The following CABIN1 variants were observed in gnomAD, a reference collection of about 807,000 sequenced individuals.
CABIN1 encodes the protein calcineurin binding protein 1.
Under a neutral mutation model 227.7 loss-of-function variants are expected in CABIN1, and 133 were observed. The observed-to-expected ratio is 0.58, with a 90% CI of 0.51 to 0.67. The LOEUF (loss-of-function observed/expected upper bound fraction) is 0.67. CABIN1 is among the 30% of genes least tolerant of loss of function. The pLI, the probability that CABIN1 is intolerant of heterozygous loss-of-function variation, is 0.00. For missense variants in CABIN1, 2,408 were observed against 2,852.5 expected (o/e 0.84, Z 3.55); for synonymous variants, 1,086 against 1,155.1 (o/e 0.94, Z 1.21).
chr22:24,086,057 A>T (rs956961470), intron 22 of CABIN1, among the ~76,000 whole-genome samples: 1 of 152,206 alleles, frequency 6.6e-6, no homozygotes, highest in Non-Finnish European at 1.5e-5. Flanking sequence ...GCCAGTTTGC[A>T]AGACTTGTGT....
chr22:24,046,497 A>G (rs532511269), intron 6 of CABIN1, among the ~76,000 whole-genome samples: 1 of 152,216 alleles, frequency 6.6e-6, no homozygotes, highest in East Asian at 1.9e-4. Context: ...GTTTGGGACC[A>G]TCTTTGGGGT....
chr22:24,161,464 C>T (rs952004226), intron 29 of CABIN1, among the ~76,000 whole-genome samples: 2 of 152,166 alleles, frequency 1.3e-5, no homozygotes. Flanking sequence ...GCCAGAGCAG[C>T]GGGACCCAGG....
chr22:24,100,828 CT>C (rs1342415289), intron 26 of CABIN1, among the ~76,000 whole-genome samples: 18 of 152,348 alleles, frequency 1.2e-4, no homozygotes, highest in African/African-American at 3.6e-4. Flanking sequence ...ATTTCCTCAC[CT>C]GTTGAATGGG....
At chr22:24,120,660 A>G (rs751947095) in intron 28 of CABIN1, among the ~76,000 whole-genome samples, 2 of 152,158 alleles carry the variant, frequency 1.3e-5, no homozygotes, top group East Asian at 3.9e-4. Flanking sequence ...TAAAAATACA[A>G]AAGTTAGCCA....
Position 24,119,355 on chromosome 22 carries a change from T to C in CABIN1, c.4301-12T>C. On this transcript the variant is annotated splice_polypyrimidine_tract_variant and intron_variant, in intron 27 of 36. Transcript: ENST00000263119. The stretch of plus-strand genomic sequence containing the variant: ...ACCAGGGTGACTTTCTTTCCCTTCT[T>C]CTCAACTGTAGGAAAAAACGAGGAG... The C allele has an allele frequency of 3.1e-6, 5 of 1,609,486 alleles. No individual in the cohort carries two copies. The highest frequency in any genetic ancestry group is 4.2e-6 in the Non-Finnish European group (5 of 1,179,294).
chr22:24,067,766 T>C (rs1373902809), intron 16 of CABIN1, among the ~76,000 whole-genome samples: 1 of 152,080 alleles, frequency 6.6e-6, no homozygotes, highest in African/African-American at 2.4e-5. Flanking sequence ...ATTTCTAGGA[T>C]AGGGATGACC....
In CABIN1 at chr22:24,150,490, C is replaced by A. The variant is rs571823572; in HGVS notation, c.4747-13910C>A. ...AGGCCAGTCCTGAAGGGCTGCCTGCCACCACCATCAGCAGGCCGGCTCTGT... is the reference window on the plus strand; with the variant it reads ...AGGCCAGTCCTGAAGGGCTGCCTGCAACCACCATCAGCAGGCCGGCTCTGT... On this transcript the variant is annotated intron_variant, in intron 29 of 36. Coordinates refer to ENST00000263119, the MANE Select transcript of CABIN1 (RefSeq NM_012295.4). Among the ~76,000 whole-genome samples, 111 of 152,284 alleles carry A rather than the reference C, an allele frequency of 7.3e-4. 4 individuals carry two copies. In the South Asian group the frequency reaches 0.023, roughly 31 times the overall value.
chr22:24,045,524 C>T (rs1388477933), intron 6 of CABIN1, among the ~76,000 whole-genome samples: 2 of 151,300 alleles, frequency 1.3e-5, no homozygotes, highest in African/African-American at 2.4e-5. Context: ...GGAAGGATCA[C>T]CTGAACCTAG....
intron 24 of CABIN1, among the ~76,000 whole-genome samples, chr22:24,093,827 T>C (rs1014760379): frequency 6.6e-6 from 1 of 151,834 alleles, no homozygotes; most frequent in Non-Finnish European, 1.5e-5. Context: ...TGTAGTGAGC[T>C]GTGATCACAC....
At chr22:24,046,027 C>T (rs1300716972) in intron 6 of CABIN1, among the ~76,000 whole-genome samples, 1 of 152,188 alleles carries the variant, frequency 6.6e-6, no homozygotes, top group Non-Finnish European at 1.5e-5. Flanking sequence ...GGGTCCCTTC[C>T]ACTTTTTACA....
chr22:24,042,368 G>T (rs935764727), intron 5 of CABIN1, among the ~76,000 whole-genome samples: 1 of 152,162 alleles, frequency 6.6e-6, no homozygotes, highest in Non-Finnish European at 1.5e-5. Flanking sequence ...ATCACTTGAG[G>T]CTAGGAGTTT....
rs6004074 is a variant in CABIN1, at chr22:24,171,640, C to T, written c.5758-73C>T. ...GGATGTCCTGTGGGACAGCACTGGT[C>T]GGCTGGCGGGCAGAGCAGCGTGGGC... On this transcript the variant is annotated intron_variant, in intron 33 of 36. Transcript: ENST00000263119. 0.022 allele frequency: 34,673 copies of T among 1,573,102 alleles called. 697 individuals are homozygous for T. Among genetic ancestry groups the T allele is most frequent in the African/African-American group, 0.097 (7,237 of 74,270 alleles).
chr22:24,015,349 C>CT lies in CABIN1; in HGVS notation c.-75+3995dup, dbSNP rs1217870587. Among the ~76,000 whole-genome samples the CT allele has an allele frequency of 3.7e-3, 475 of 127,130 alleles. 3 individuals are homozygous for CT. Among genetic ancestry groups the CT allele is most frequent in the African/African-American group, 5.6e-3 (198 of 35,616 alleles). 83.4% of individuals were successfully genotyped at this position (127,130 alleles called of 152,430 possible). ...TCTGTTCATAGAGATCTTCTTCATT[C>CT]TTTTTTTTTTTTTGAGACGGAGTCT... On this transcript the variant is annotated intron_variant, in intron 1 of 36. Coordinates refer to ENST00000263119, the MANE Select transcript of CABIN1 (RefSeq NM_012295.4).
chr22:24,167,268 C>T lies in CABIN1; in HGVS notation c.5637C>T (p.Gly1879=). 1 of 1,613,404 alleles carries T rather than the reference C, an allele frequency of 6.2e-7. No homozygotes were observed. Among genetic ancestry groups the T allele is most frequent in the Non-Finnish European group, 8.5e-7 (1 of 1,179,984 alleles). Residue 1879 remains glycine (G), a synonymous_variant, in exon 32 of 37, where the codon GGC becomes GGT. Transcript: ENST00000263119. ...QGQKGVAYDL[G]RVERIMSETY... ...AGAAGGGTGTGGCCTATGACCTGGG[C>T]CGTGTGGAGAGGATCATGTCGGAGA... is the stretch of plus-strand genomic sequence containing the variant.
At chr22:24,176,344 G>T in intron 35 of CABIN1, 69 bp downstream of exon 35, 6 of 1,525,546 alleles carry the variant, frequency 3.9e-6, no homozygotes, top group Non-Finnish European at 5.3e-6. Context: ...AGCCAGGGTG[G>T]GTTTCCCGGC....
At chr22:24,138,098 C>T (rs907425445) in intron 29 of CABIN1, among the ~76,000 whole-genome samples, 12 of 152,238 alleles carry the variant, frequency 7.9e-5, no homozygotes, top group African/African-American at 2.9e-4. Flanking sequence ...CTCAGCCTGT[C>T]ATCCTTAGAG....
intron 27 of CABIN1, among the ~76,000 whole-genome samples, chr22:24,114,435 A>G (rs1483353178): frequency 6.6e-6 from 1 of 152,254 alleles, no homozygotes; most frequent in African/African-American, 2.4e-5. Context: ...AGTAATAACA[A>G]CAACCCAGCC....
At chr22:24,095,536 T>C (rs2041838954) in intron 24 of CABIN1, among the ~76,000 whole-genome samples, 1 of 148,098 alleles carries the variant, frequency 6.8e-6, no homozygotes, top group Non-Finnish European at 1.5e-5. Context: ...TTTCAGGGAG[T>C]CCAGAGTTCA....
intron 20 of CABIN1, 32 bp from the exon 21 acceptor site, chr22:24,084,547 G>A (rs973299850): frequency 4.5e-6 from 7 of 1,548,674 alleles, no homozygotes; most frequent in Admixed American, 1.7e-5. Flanking sequence ...CCCTGAATGT[G>A]TTACTAATCT....
Sources: gnomAD v4.1 joint callset for allele counts (sites outside exome capture counted in the v4.1 genomes callset) on GRCh38, gnomAD v4.1.1 for gene constraint, MANE v1.5 for transcripts, NCBI Gene and HGNC (gene_info 2026-07-23, HGNC 2026-07-21) for gene names.